The following MFF variants were observed in gnomAD, a reference collection of about 807,000 sequenced individuals.
MFF encodes chromosome 2 open reading frame 33.
MFF carries 12 observed loss-of-function variants against 36.9 expected under a neutral mutation model. The ratio of observed to expected loss-of-function variants is 0.33; its 90% CI spans 0.21 to 0.53. MFF has a LOEUF of 0.53. MFF is among the 20% of genes least tolerant of loss of function. The pLI, the probability that MFF is intolerant of heterozygous loss-of-function variation, is 0.95. For synonymous variants in MFF, 99 were observed against 126.2 expected, an observed-to-expected ratio of 0.78 and a Z score of 1.44; for missense variants, 348 against 366.6, an observed-to-expected ratio of 0.95 and a Z score of 0.42.
At position 227,357,147 on chromosome 2, in the gene MFF, T is replaced by C; in HGVS notation, c.*30T>C. On this transcript the variant is annotated 3_prime_UTR_variant, in exon 9 of 9. Transcript: ENST00000304593. ...AACATCAGCCCTCAAAAATACTGTC[T>C]CAACAGCTGGAAATATAAAAGATTT... The C allele has an allele frequency of 1.3e-6, 2 of 1,596,246 alleles. No individual in the cohort carries two copies. The highest frequency in any genetic ancestry group is 8.5e-7 in the Non-Finnish European group (1 of 1,173,928).
Sources: allele counts gnomAD v4.1 joint callset, GRCh38; gene constraint gnomAD v4.1.1; transcripts MANE v1.5; gene names NCBI Gene and HGNC (gene_info 2026-07-23, HGNC 2026-07-21).